The following SEPTIN9 variants were observed in gnomAD, a reference collection of about 807,000 sequenced individuals.
SEPTIN9 encodes septin 9.
SEPTIN9 carries 13 observed loss-of-function variants against 56.6 expected under a neutral mutation model. The observed-to-expected ratio is 0.23, with a 90% CI of 0.15 to 0.37. The LOEUF is 0.37. SEPTIN9 is among the 10% of genes least tolerant of loss of function. The probability of loss-of-function intolerance (pLI) is 1.00; values close to 1 mark genes in which losing one functional copy is unlikely to be tolerated. For synonymous variants in SEPTIN9, 332 were observed against 334.1 expected (o/e 0.99, Z 0.07); for missense variants, 650 against 823.1 (o/e 0.79, Z 2.57).
In SEPTIN9 at chr17:77,436,502, G is replaced by A. The variant is rs1598372946; in HGVS notation, c.721+33799G>A. ...CGGGGCTGGAGCCAGCGGGGTGGGG[G>A]TATCCAGCAAGAGCTCCTTCCCATC... On this transcript the variant is annotated intron_variant, in intron 3 of 11. Transcript: ENST00000427177. The surrounding 1 kb of genome is among the most constrained non-coding windows in gnomAD (Gnocchi z 4.4). Among the ~76,000 whole-genome samples, 3 of 152,316 alleles carry A rather than the reference G, an allele frequency of 2.0e-5. No homozygotes were observed. The highest frequency in any genetic ancestry group is 6.5e-5 in the Admixed American group (1 of 15,306).
rs1598202525 is a variant in SEPTIN9 at position 77,329,696 on chromosome 17, G to C, written c.76+22499G>C. Among the ~76,000 whole-genome samples, 2 of 152,156 alleles carry C rather than the reference G, an allele frequency of 1.3e-5. No individual in the cohort carries two copies. Among genetic ancestry groups the C allele is most frequent in the East Asian group, 3.8e-4 (2 of 5,196 alleles). ...GCCCCCATCCCCAAGCAGGAACCCT[G>C]GTGCCTGGTGCCTGAGGACTGCTGT... On this transcript the variant is annotated intron_variant, in intron 2 of 11. Coordinates refer to ENST00000427177, the MANE Select transcript of SEPTIN9 (RefSeq NM_001113491.2). The surrounding 1 kb of genome is among the most constrained non-coding windows in gnomAD (Gnocchi z 4.3).
At chr17:77,498,484 C>T (rs1286394774) in intron 11 of SEPTIN9, 39 bp from the exon 12 acceptor site, 25 of 560,478 alleles carry the variant, frequency 4.5e-5, no homozygotes, top group South Asian at 1.1e-4. Flanking sequence ...CACCCCGCTG[C>T]GCCCACCTCA....
intron 2 of SEPTIN9, among the ~76,000 whole-genome samples, chr17:77,356,614 CTA>C (rs936155060): frequency 1.0e-4 from 15 of 145,890 alleles, no homozygotes; most frequent in African/African-American, 3.8e-4. Context: ...CCTCCTCCTT[CTA>C]TGTTTCCTCT....
intron 3 of SEPTIN9, among the ~76,000 whole-genome samples, chr17:77,439,527 C>T (rs928071641): frequency 6.6e-6 from 1 of 152,196 alleles, no homozygotes; most frequent in Non-Finnish European, 1.5e-5. Flanking sequence ...CCCACCTTGC[C>T]GCAGCTGCAC....
chr17:77,416,071 C>T (rs908069944), intron 3 of SEPTIN9, among the ~76,000 whole-genome samples: 2 of 152,224 alleles, frequency 1.3e-5, no homozygotes, highest in African/African-American at 4.8e-5. Flanking sequence ...AAGACAGGCC[C>T]AGCCCTGCAC....
At chr17:77,311,220 A>AC (rs141106062) in intron 2 of SEPTIN9, among the ~76,000 whole-genome samples, 92 of 117,366 alleles carry the variant, frequency 7.8e-4, no homozygotes, top group African/African-American at 1.9e-3. Context: ...GCAAGGAAGG[A>AC]CCCCCCCCCC....
chr17:77,339,602 C>G (rs1197766498), intron 2 of SEPTIN9, among the ~76,000 whole-genome samples: 1 of 151,856 alleles, frequency 6.6e-6, no homozygotes, highest in Non-Finnish European at 1.5e-5. Context: ...CTCTGCCTCC[C>G]GGGTTCAAGT....
chr17:77,450,634 G>A lies in SEPTIN9; in HGVS notation c.722-31510G>A. The stretch of plus-strand genomic sequence containing the variant: ...CCCTCCTCTGGGGACCCCCTTGCTT[G>A]TGCCCCTCTGGGTCCCAGCACATCC... On this transcript the variant is annotated intron_variant, in intron 3 of 11. Coordinates refer to ENST00000427177, the MANE Select transcript of SEPTIN9 (RefSeq NM_001113491.2). The surrounding 1 kb of genome is among the most constrained non-coding windows in gnomAD (Gnocchi z 6.0). The A allele has an allele frequency of 1.0e-6, 1 of 985,826 alleles. No individual in the cohort carries two copies. The highest frequency in any genetic ancestry group is 5.2e-4 in the Middle Eastern group (1 of 1,918). The allele number at this position is 985,826 out of a possible 1,614,324, so 61.1% of individuals were successfully genotyped here. A position where few individuals can be genotyped will look rare whatever the true frequency, so the allele number is the denominator to read the frequency against.
intron 3 of SEPTIN9, among the ~76,000 whole-genome samples, chr17:77,471,971 C>CCA (rs1555675667): frequency 5.9e-4 from 90 of 152,122 alleles, no homozygotes; most frequent in Middle Eastern, 3.4e-3. Flanking sequence ...TAGCCCCCCC[C>CCA]ACCACACACC....
intron 2 of SEPTIN9, among the ~76,000 whole-genome samples, chr17:77,358,337 C>T (rs2034317596): frequency 6.6e-6 from 1 of 152,182 alleles, no homozygotes; most frequent in Admixed American, 6.5e-5. Context: ...AATACCAAAA[C>T]TGGCTAGGCA....
Position 77,498,705 on chromosome 17 carries a change from TC to T in SEPTIN9, c.*55del. On this transcript the variant is annotated 3_prime_UTR_variant, in exon 12 of 12. Coordinates refer to ENST00000427177, the MANE Select transcript of SEPTIN9 (RefSeq NM_001113491.2). ...GGATCCTGCCCCCAAGTCATTTCCG[TC>T]CCCCCCCAGGCCCTCCCACCACCCC... The T allele has an allele frequency of 1.2e-6, 1 of 813,940 alleles. No individual in the cohort carries two copies. The highest frequency in any genetic ancestry group is 1.9e-6 in the Non-Finnish European group (1 of 538,466). The allele number at this position is 813,940 out of a possible 1,614,324, so 50.4% of individuals were successfully genotyped here. A position where few individuals can be genotyped will look rare whatever the true frequency, so the allele number is the denominator to read the frequency against.
chr17:77,424,838 C>T (rs900396818), intron 3 of SEPTIN9, among the ~76,000 whole-genome samples: 6 of 152,144 alleles, frequency 3.9e-5, no homozygotes, highest in Non-Finnish European at 8.8e-5. Flanking sequence ...TCGCCGGGCC[C>T]CCAAGTGAAT....
rs1410660312 is a variant in SEPTIN9 at position 77,429,191 on chromosome 17, G to A, written c.721+26488G>A. On this transcript the variant is annotated intron_variant, in intron 3 of 11. Transcript: ENST00000427177. The surrounding 1 kb of genome is among the most constrained non-coding windows in gnomAD (Gnocchi z 5.2). ...AGGCCAAGACCAAGGCTGAGGCCGAGGCTGAGGCTGAGGCCACCTTGGTGA... is the reference window on the plus strand; with the variant it reads ...AGGCCAAGACCAAGGCTGAGGCCGAAGCTGAGGCTGAGGCCACCTTGGTGA... 2.1e-6 allele frequency: 1 copy of A among 471,966 alleles called. No homozygotes were observed. Among genetic ancestry groups the A allele is most frequent in the Admixed American group, 2.3e-5 (1 of 42,622 alleles). 29.2% of individuals were successfully genotyped at this position (471,966 alleles called of 1,614,324 possible).
rs1365913428 is a variant in SEPTIN9 at position 77,369,891 on chromosome 17, T to C, written c.77-32168T>C. On this transcript the variant is annotated intron_variant, in intron 2 of 11. Coordinates refer to ENST00000427177, the MANE Select transcript of SEPTIN9 (RefSeq NM_001113491.2). This position sits in a 1 kb window ranked among gnomAD's most constrained non-coding sequence, Gnocchi z 4.9. ...TCCTCCCCACTCCGTTCCCACGCTT[T>C]GTAAGCTTCATTTCCCCGGGGCCTG... Among the ~76,000 whole-genome samples the C allele has an allele frequency of 2.6e-5, 4 of 152,246 alleles. No homozygotes were observed. The highest frequency in any genetic ancestry group is 5.9e-5 in the Non-Finnish European group (4 of 68,048).
chr17:77,467,333 C>T (rs1249803827), intron 3 of SEPTIN9, among the ~76,000 whole-genome samples: 1 of 152,246 alleles, frequency 6.6e-6, no homozygotes, highest in African/African-American at 2.4e-5. Flanking sequence ...CTCAGGTGTA[C>T]TGGCTGGAGG....
chr17:77,361,490 T>C (rs312878), intron 2 of SEPTIN9, among the ~76,000 whole-genome samples: 39,152 of 151,890 alleles, frequency 0.26, 5,466 homozygotes, highest in East Asian at 0.61. Context: ...GGATCGAGGG[T>C]GGGCATTAGG....
Position 77,450,638 on chromosome 17 carries a change from C to T in SEPTIN9, c.722-31506C>T, listed in dbSNP as rs969685916. On this transcript the variant is annotated intron_variant, in intron 3 of 11. Coordinates refer to ENST00000427177, the MANE Select transcript of SEPTIN9 (RefSeq NM_001113491.2). The surrounding 1 kb of genome is among the most constrained non-coding windows in gnomAD (Gnocchi z 6.0). Reference sequence around the variant, plus strand: ...CCTCTGGGGACCCCCTTGCTTGTGCCCCTCTGGGTCCCAGCACATCCCAGG... The same window carrying T: ...CCTCTGGGGACCCCCTTGCTTGTGCTCCTCTGGGTCCCAGCACATCCCAGG... 2 of 985,680 alleles carry T rather than the reference C, an allele frequency of 2.0e-6. No individual in the cohort carries two copies. Among genetic ancestry groups the T allele is most frequent in the Admixed American group, 1.2e-4 (2 of 16,272 alleles). The allele number at this position is 985,680 out of a possible 1,614,324, so 61.1% of individuals were successfully genotyped here.
intron 2 of SEPTIN9, chr17:77,320,013 G>T: frequency 7.6e-7 from 1 of 1,313,882 alleles, no homozygotes; most frequent in Non-Finnish European, 9.7e-7. Flanking sequence ...ACTCCTCGGG[G>T]CCCACTTCGG....
At chr17:77,406,309 C>A (rs910122575) in intron 3 of SEPTIN9, among the ~76,000 whole-genome samples, 1 of 152,206 alleles carries the variant, frequency 6.6e-6, no homozygotes, top group African/African-American at 2.4e-5. Context: ...GCCCTGACCT[C>A]CTGAACCCTG....
Sources: allele counts gnomAD v4.1 joint callset (sites outside exome capture counted in the v4.1 genomes callset), GRCh38; gene constraint gnomAD v4.1.1; non-coding constraint Gnocchi (gnomAD v3.1); transcripts MANE v1.5; gene names NCBI Gene and HGNC (gene_info 2026-07-23, HGNC 2026-07-21).